Variants in HHAT observed in about 807,000 individuals in gnomAD.
The protein encoded by HHAT is protein-cysteine N-palmitoyltransferase HHAT.
A neutral mutation model predicts 70.8 loss-of-function variants in HHAT; 47 were observed. The ratio of observed to expected loss-of-function variants is 0.66; its 90% confidence interval spans 0.53 to 0.85. The LOEUF (loss-of-function observed/expected upper bound fraction) is 0.85, where lower values mean the gene tolerates loss of function less well. Ranked by LOEUF, HHAT falls within the 40% of genes least tolerant of loss-of-function variation. The probability of loss-of-function intolerance (pLI) is 0.00; values close to 1 mark genes in which losing one functional copy is unlikely to be tolerated. For synonymous variants in HHAT, 228 were observed against 247.6 expected (o/e 0.92, Z 0.74); for missense variants, 609 against 604.8 (o/e 1.01, Z -0.07).
chr1:210,507,537 T>C (rs971507988), intron 8 of HHAT, among the ~76,000 whole-genome samples: 1 of 151,844 alleles, frequency 6.6e-6, no homozygotes, highest in African/African-American at 2.4e-5. Flanking sequence ...ATTTTTGTAT[T>C]TTTAGTAGAA....
intron 9 of HHAT, among the ~76,000 whole-genome samples, chr1:210,578,514 T>G (rs1201003578): frequency 6.6e-6 from 1 of 152,244 alleles, no homozygotes; most frequent in Non-Finnish European, 1.5e-5. Context: ...AAGAGGTATC[T>G]ATATTTCCAT....
rs3036585 is a variant in HHAT, at chr1:210,360,846, C to CTTTTTTT, written c.92-1993_92-1987dup. On this transcript the variant is annotated intron_variant, in intron 2 of 11. Transcript: ENST00000261458. ...ATATTGGAATAAATAATTAACTTCA[C>CTTTTTTT]TTTTTTTTTTTTTTTTTTTAACTTT... Among the ~76,000 whole-genome samples, 10 of 124,290 alleles carry CTTTTTTT rather than the reference C, an allele frequency of 8.0e-5. 1 individual carries two copies. The highest frequency in any genetic ancestry group is 2.6e-4 in the African/African-American group (8 of 30,786). 81.5% of individuals were successfully genotyped at this position (124,290 alleles called of 152,430 possible). A position where few individuals can be genotyped will look rare whatever the true frequency, so the allele number is the denominator to read the frequency against.
chr1:210,495,004 G>A (rs1278587650), intron 8 of HHAT, among the ~76,000 whole-genome samples: 1 of 152,072 alleles, frequency 6.6e-6, no homozygotes, highest in Non-Finnish European at 1.5e-5. Flanking sequence ...TAGTACGACT[G>A]CCAAGGGCAT....
At chr1:210,593,870 T>C (rs1316982612) in intron 10 of HHAT, among the ~76,000 whole-genome samples, 1 of 152,210 alleles carries the variant, frequency 6.6e-6, no homozygotes, top group Non-Finnish European at 1.5e-5. Context: ...TATTTACAAC[T>C]GTTATATCTT....
intron 1 of HHAT, among the ~76,000 whole-genome samples, chr1:210,337,127 A>T (rs1278108237): frequency 1.3e-5 from 2 of 152,204 alleles, no homozygotes; most frequent in Non-Finnish European, 2.9e-5. Flanking sequence ...GATTGATATC[A>T]GTGTGGGGGG....
intron 3 of HHAT, among the ~76,000 whole-genome samples, chr1:210,368,254 C>G (rs1233793313): frequency 6.6e-6 from 1 of 152,046 alleles, no homozygotes; most frequent in Non-Finnish European, 1.5e-5. Flanking sequence ...GTTGGATGGG[C>G]TTAAGTTCAA....
chr1:210,386,239 T>TCTTTC (rs1289172529), intron 3 of HHAT, among the ~76,000 whole-genome samples: 4 of 100,810 alleles, frequency 4.0e-5, no homozygotes, highest in South Asian at 3.8e-4. Flanking sequence ...TCTTTTTTTT[T>TCTTTC]TTTTTTTTTT....
chr1:210,617,252 A>G (rs75055943), intron 10 of HHAT, among the ~76,000 whole-genome samples: 1 of 152,246 alleles, frequency 6.6e-6, no homozygotes, highest in Non-Finnish European at 1.5e-5. Flanking sequence ...TGTCATTGAT[A>G]AAAAGTGGTG....
At chr1:210,509,580 A>C (rs560389289) in intron 8 of HHAT, among the ~76,000 whole-genome samples, 37 of 152,274 alleles carry the variant, frequency 2.4e-4, no homozygotes, top group African/African-American at 8.7e-4. Context: ...GTATCTATCT[A>C]CCTCATAGGG....
At chr1:210,618,718 AGTTTT>A in intron 10 of HHAT, among the ~76,000 whole-genome samples, 1 of 152,050 alleles carries the variant, frequency 6.6e-6, no homozygotes, top group East Asian at 1.9e-4. Flanking sequence ...GTATGTTTCT[AGTTTT>A]GTTTTGACCC....
At chr1:210,443,325 C>T (rs1298781257) in intron 7 of HHAT, among the ~76,000 whole-genome samples, 148 of 151,638 alleles carry the variant, frequency 9.8e-4, no homozygotes, top group African/African-American at 3.1e-3. Flanking sequence ...CTTGGCGATG[C>T]GGGCTCTTTT....
At chr1:210,570,553 A>T (rs1438898120) in intron 9 of HHAT, among the ~76,000 whole-genome samples, 1 of 152,172 alleles carries the variant, frequency 6.6e-6, no homozygotes, top group South Asian at 2.1e-4. Context: ...GGTGCTACTG[A>T]GGAAGACAGC....
intron 10 of HHAT, among the ~76,000 whole-genome samples, chr1:210,611,103 C>A (rs1666482120): frequency 6.6e-6 from 1 of 152,146 alleles, no homozygotes; most frequent in South Asian, 2.1e-4. Context: ...TTACTTTGGG[C>A]AGTATGGCCA....
intron 1 of HHAT, among the ~76,000 whole-genome samples, chr1:210,343,641 G>T (rs915166547): frequency 2.0e-5 from 3 of 152,198 alleles, no homozygotes; most frequent in Admixed American, 6.5e-5. Flanking sequence ...AGACGTAGGT[G>T]GTGAGGAAGA....
intron 8 of HHAT, among the ~76,000 whole-genome samples, chr1:210,480,719 C>G (rs1312563814): frequency 6.6e-6 from 1 of 152,186 alleles, no homozygotes; most frequent in East Asian, 1.9e-4. Flanking sequence ...TGCAGGTAAA[C>G]TTTGTTCCCC....
chr1:210,551,173 C>G (rs2095524420), intron 9 of HHAT, among the ~76,000 whole-genome samples: 1 of 148,734 alleles, frequency 6.7e-6, no homozygotes, highest in African/African-American at 2.5e-5. Flanking sequence ...GCCCAGGGTT[C>G]CTTGTAGGAT....
chr1:210,612,830 C>G (rs1666868854), intron 10 of HHAT, among the ~76,000 whole-genome samples: 1 of 152,148 alleles, frequency 6.6e-6, no homozygotes, highest in African/African-American at 2.4e-5. Flanking sequence ...TTGATATAGC[C>G]ACCTTAGAAG....
At chr1:210,428,286 C>CTATATATATA (rs66516721) in intron 7 of HHAT, among the ~76,000 whole-genome samples, 1 of 101,520 alleles carries the variant, frequency 9.9e-6, no homozygotes, top group Non-Finnish European at 1.9e-5. Context: ...TGAGCTTATA[C>CTATATATATA]TATATATATA....
intron 1 of HHAT, chr1:210,329,327 A>T: frequency 8.2e-7 from 1 of 1,212,636 alleles, no homozygotes; most frequent in Non-Finnish European, 1.0e-6. Context: ...GCGGGGATCT[A>T]GGCGCCGGGA....
Sources: gnomAD v4.1 joint callset for allele counts (sites outside exome capture counted in the v4.1 genomes callset) on GRCh38, gnomAD v4.1.1 for gene constraint, MANE v1.5 for transcripts, NCBI Gene and HGNC (gene_info 2026-07-23, HGNC 2026-07-21) for gene names.